Variants in GIPC1 observed in about 807,000 individuals in gnomAD.
GIPC1 encodes the protein GIPC PDZ domain containing family member 1.
A neutral mutation model predicts 28.5 loss-of-function variants in GIPC1; 15 were observed. That is an observed-to-expected ratio of 0.53 (90% confidence interval 0.35 to 0.81). The LOEUF (loss-of-function observed/expected upper bound fraction) is 0.81. GIPC1 is among the 30% of genes least tolerant of loss of function. The probability of loss-of-function intolerance (pLI) is 0.01; values close to 1 mark genes in which losing one functional copy is unlikely to be tolerated. For missense variants in GIPC1, 439 were observed against 481.9 expected, an observed-to-expected ratio of 0.91 and a Z score of 0.83; for synonymous variants, 224 against 206.1, an observed-to-expected ratio of 1.09 and a Z score of -0.74.
At chr19:14,483,116 C>T in intron 3 of GIPC1, 110 bp from the exon 4 acceptor site, 3 of 702,328 alleles carry the variant, frequency 4.3e-6, no homozygotes, top group Non-Finnish European at 7.0e-6. Context: ...AAATTGGCCT[C>T]GGTTGAAATC....
intron 1 of GIPC1, among the ~76,000 whole-genome samples, chr19:14,494,395 C>T (rs918272214): frequency 6.6e-6 from 1 of 152,064 alleles, no homozygotes; most frequent in Non-Finnish European, 1.5e-5. Context: ...CCCGGGCCCC[C>T]TTGCCTGATC....
chr19:14,481,431 T>G (rs1264604815), intron 4 of GIPC1, among the ~76,000 whole-genome samples: 1 of 152,052 alleles, frequency 6.6e-6, no homozygotes, highest in Non-Finnish European at 1.5e-5. Flanking sequence ...CTAGCAAAAA[T>G]TCATTGCTGT....
At position 14,481,483 on chromosome 19, in the gene GIPC1, G is replaced by A. The variant is rs530132341; in HGVS notation, c.289-705C>T. ...CACGCCTGTAATCCCAGCACTTTGG[G>A]AGGCCGAGGTGGGCAGAACACGAGG... On this transcript the variant is annotated intron_variant, in intron 4 of 8. Transcript: ENST00000393033. Among the ~76,000 whole-genome samples, 4 of 152,204 alleles carry A rather than the reference G, an allele frequency of 2.6e-5. No individual in the cohort carries two copies. In the South Asian group the frequency reaches 8.3e-4, roughly 32 times the overall value.
intron 6 of GIPC1, 48 bp downstream of exon 6, chr19:14,480,257 G>C (rs571639498): frequency 6.6e-7 from 1 of 1,524,198 alleles, no homozygotes; most frequent in South Asian, 1.1e-5. Context: ...CACCGCCTGC[G>C]CCCATGCGAG....
chr19:14,489,330 C>CGTGAGGG (rs1384125249), intron 3 of GIPC1: 5 of 773,574 alleles, frequency 6.5e-6, no homozygotes, highest in Middle Eastern at 3.6e-4. Context: ...ACCGCGGTAG[C>CGTGAGGG]GTGAGGGAAG....
intron 3 of GIPC1, among the ~76,000 whole-genome samples, chr19:14,484,326 G>C (rs1240433224): frequency 6.6e-6 from 1 of 151,626 alleles, no homozygotes; most frequent in African/African-American, 2.4e-5. Context: ...GGTAGAGATG[G>C]GGTTTCACCA....
chr19:14,486,765 G>T (rs548107621), intron 3 of GIPC1, among the ~76,000 whole-genome samples: 10 of 130,642 alleles, frequency 7.7e-5, no homozygotes, highest in African/African-American at 2.9e-4. Context: ...AAGCAGCAGT[G>T]CAGTGGTGCG....
intron 3 of GIPC1, among the ~76,000 whole-genome samples, chr19:14,490,533 T>C (rs1457721522): frequency 9.2e-4 from 135 of 147,348 alleles, no homozygotes; most frequent in Non-Finnish European, 1.5e-3. Context: ...CAAAATTAGC[T>C]GGGTGTAGTG....
At position 14,478,085 on chromosome 19, in the gene GIPC1, A is replaced by G; in HGVS notation, c.*331T>C. 3.3e-6 allele frequency: 1 copy of G among 302,464 alleles called. No individual in the cohort carries two copies. 18.7% of individuals were successfully genotyped at this position (302,464 alleles called of 1,614,324 possible). On this transcript the variant is annotated 3_prime_UTR_variant, in exon 9 of 9. Transcript: ENST00000393033. This position sits in a 1 kb window ranked among gnomAD's most constrained non-coding sequence, Gnocchi z 5.2. ...AGAACCCAAGGCCCCAGGGAGACAG[A>G]GGGACCAGTTTGGCAGCTGATGGTG...
chr19:14,489,535 A>T (rs761318756), intron 3 of GIPC1: 1 of 898,714 alleles, frequency 1.1e-6, no homozygotes. Flanking sequence ...GGAGATGGCG[A>T]CTAGTGGACA....
At chr19:14,494,532 G>T (rs1173751389) in intron 1 of GIPC1, among the ~76,000 whole-genome samples, 2 of 152,210 alleles carry the variant, frequency 1.3e-5, no homozygotes, top group South Asian at 2.1e-4. Flanking sequence ...TTTGTTGGCT[G>T]CTTCCTTCCT....
chr19:14,479,667 T>G, intron 6 of GIPC1, 143 bp from the exon 7 acceptor site: 1 of 463,824 alleles, frequency 2.2e-6, no homozygotes, highest in Non-Finnish European at 3.8e-6. Flanking sequence ...GCCGGGGTGA[T>G]CCCAGGAGGG....
At chr19:14,495,135 A>C (rs2072048775) in intron 1 of GIPC1, among the ~76,000 whole-genome samples, 1 of 152,002 alleles carries the variant, frequency 6.6e-6, no homozygotes, top group African/African-American at 2.4e-5. Flanking sequence ...GCCAGGGGGG[A>C]ACCCAGTGGG....
Position 14,490,308 on chromosome 19 carries a change from G to A in GIPC1, c.-31+1348C>T, listed in dbSNP as rs148462397. Among the ~76,000 whole-genome samples, 9 of 152,020 alleles carry A rather than the reference G, an allele frequency of 5.9e-5. No individual in the cohort carries two copies. The East Asian group carries it at 1.7e-3, about 29-fold the overall frequency. ...TTGAACCTGGGAGGTGGAGGTTGCG[G>A]TGAATCAAGACCGTGCCATTGCACT... On this transcript the variant is annotated intron_variant, in intron 3 of 8. Coordinates refer to ENST00000393033, the MANE Select transcript of GIPC1 (RefSeq NM_005716.4).
At chr19:14,480,804 C>A in intron 4 of GIPC1, 26 bp from the exon 5 acceptor site, 1 of 1,539,138 alleles carries the variant, frequency 6.5e-7, no homozygotes. Flanking sequence ...ACGCTGAAAC[C>A]TCTTCCCCCT....
rs779588620 is a variant in GIPC1, at chr19:14,482,869, G to A, written c.108C>T (p.Gly36=). ...GLGVGEPGPL[G]GGGSGGPQMG... ...TTTGGGGGCCCCCCGACCCACCTCC[G>A]CCCAGAGGCCCTGGCTCCCCCACGC... The change falls in exon 4 of 9, where the codon GGC becomes GGT. Residue 36 remains glycine, a synonymous_variant. Transcript: ENST00000393033. 3.0e-5 allele frequency: 48 copies of A among 1,580,242 alleles called. No individual in the cohort carries two copies. Among genetic ancestry groups the A allele is most frequent in the Admixed American group, 2.7e-4 (15 of 55,424 alleles).
chr19:14,493,189 C>T (rs2072006407), intron 1 of GIPC1, among the ~76,000 whole-genome samples: 2 of 152,194 alleles, frequency 1.3e-5, no homozygotes, highest in African/African-American at 4.8e-5. Flanking sequence ...GGCCCATGAA[C>T]TTAATTGCAT....
rs371756155 is a variant in GIPC1 at position 14,478,791 on chromosome 19, G to A, written c.769-26C>T. On this transcript the variant is annotated intron_variant, in intron 7 of 8. Coordinates refer to ENST00000393033, the MANE Select transcript of GIPC1 (RefSeq NM_005716.4). The surrounding 1 kb of genome is among the most constrained non-coding windows in gnomAD (Gnocchi z 5.2). ...CTGGGGGCCAGGGAGGGGTGACAGC[G>A]ACATCATAACAATGTGAATATACAT... is the stretch of plus-strand genomic sequence containing the variant. 48 of 1,511,860 alleles carry A rather than the reference G, an allele frequency of 3.2e-5. No homozygotes were observed. The highest frequency in any genetic ancestry group is 4.5e-5 in the East Asian group (2 of 44,338). The allele number at this position is 1,511,860 out of a possible 1,614,324, so 93.7% of individuals were successfully genotyped here. A position where few individuals can be genotyped will look rare whatever the true frequency, so the allele number is the denominator to read the frequency against.
At chr19:14,480,204 G>A (rs1000969979) in intron 6 of GIPC1, 101 bp downstream of exon 6, 43 of 1,000,704 alleles carry the variant, frequency 4.3e-5, no homozygotes, top group African/African-American at 1.4e-4. Context: ...CTTCCCTTTC[G>A]GCAGGCCAGG....
Sources: gnomAD v4.1 joint callset for allele counts (sites outside exome capture counted in the v4.1 genomes callset) on GRCh38, gnomAD v4.1.1 for gene constraint, Gnocchi (gnomAD v3.1) non-coding constraint, MANE v1.5 for transcripts, NCBI Gene and HGNC (gene_info 2026-07-23, HGNC 2026-07-21) for gene names.